Variants in ORC3 observed in about 807,000 individuals in gnomAD.
The protein encoded by ORC3 is origin recognition complex subunit 3.
ORC3 carries 78 observed loss-of-function variants against 100.7 expected under a neutral mutation model. The observed-to-expected ratio is 0.77, with a 90% CI of 0.65 to 0.94. The LOEUF (loss-of-function observed/expected upper bound fraction) is 0.94, where lower values mean the gene tolerates loss of function less well. Among genes scored for constraint, ORC3 ranks in the 40% least tolerant of loss-of-function variants. ORC3 has a pLI of 0.00. For synonymous variants in ORC3, 295 were observed against 289.3 expected (o/e 1.02, Z -0.20); for missense variants, 789 against 823.9 (o/e 0.96, Z 0.52).
At chr6:87,677,667 T>C in the ORC3 span, 1 of 909,000 alleles carries the variant, frequency 1.1e-6, no homozygotes, top group African/African-American at 1.7e-5. Flanking sequence ...GCATGAGCTA[T>C]AAGAAGGTTA....
At chr6:87,594,208 G>C in intron 1 of ORC3, 145 bp from the exon 2 acceptor site, 1 of 557,384 alleles carries the variant, frequency 1.8e-6, no homozygotes. Flanking sequence ...GAGAAGTGAT[G>C]TGATTTCTTA....
intron 11 of ORC3, among the ~76,000 whole-genome samples, chr6:87,624,671 A>G (rs887299184): frequency 1.3e-5 from 2 of 152,094 alleles, no homozygotes; most frequent in African/African-American, 4.8e-5. Context: ...TAAGAAAATC[A>G]CTTACCTTAT....
intron 19 of ORC3, among the ~76,000 whole-genome samples, chr6:87,666,425 C>G (rs568172882): frequency 3.4e-5 from 5 of 145,454 alleles, no homozygotes; most frequent in Non-Finnish European, 7.5e-5. Flanking sequence ...CCACCTCACC[C>G]GGCCTAATTC....
intron 2 of ORC3, among the ~76,000 whole-genome samples, chr6:87,598,882 A>G (rs1344960625): frequency 6.6e-6 from 1 of 152,170 alleles, no homozygotes; most frequent in Non-Finnish European, 1.5e-5. Context: ...CTGACTGAAG[A>G]CACTTGGGCA....
chr6:87,611,973 T>C, intron 7 of ORC3, 116 bp from the exon 8 acceptor site: 1 of 930,084 alleles, frequency 1.1e-6, no homozygotes, highest in Admixed American at 2.6e-5. Context: ...ATGATAATCC[T>C]TAACAGTGTC....
rs760005730 is a variant in ORC3 at position 87,636,400 on chromosome 6, C to T, written c.1303-7C>T. The T allele has an allele frequency of 9.5e-6, 15 of 1,584,180 alleles. No homozygotes were observed. The highest frequency in any genetic ancestry group is 5.4e-5 in the African/African-American group (4 of 74,272). On this transcript the variant is annotated splice_polypyrimidine_tract_variant and splice_region_variant and intron_variant, in intron 12 of 19. Coordinates refer to ENST00000392844, the MANE Select transcript of ORC3 (RefSeq NM_012381.4). ...TGGTTCCTCACAAATGTGTTGTTCC[C>T]TTACAGATCAGAGAGTTGTACTGTA...
At chr6:87,673,947 C>A in the ORC3 span, among the ~76,000 whole-genome samples, 1 of 152,038 alleles carries the variant, frequency 6.6e-6, no homozygotes, top group Non-Finnish European at 1.5e-5. Flanking sequence ...GCCTGGGCAC[C>A]TTGTGAAACC....
At chr6:87,663,712 C>T (rs1312437358) in intron 17 of ORC3, among the ~76,000 whole-genome samples, 1 of 152,214 alleles carries the variant, frequency 6.6e-6, no homozygotes, top group African/African-American at 2.4e-5. Context: ...GTTATCAACT[C>T]CTGGAAGCTC....
At position 87,605,914 on chromosome 6, in the gene ORC3, T is replaced by C; in HGVS notation, c.323-3T>C. 1 of 1,503,204 alleles carries C rather than the reference T, an allele frequency of 6.7e-7. No homozygotes were observed. The highest frequency in any genetic ancestry group is 9.2e-7 in the Non-Finnish European group (1 of 1,082,934). The allele number at this position is 1,503,204 out of a possible 1,614,324, so 93.1% of individuals were successfully genotyped here. ...GATGTAATATTGATGTATTATCTCA[T>C]AGGTGTGAATGTCACAGATCATGAT... On this transcript the variant is annotated splice_polypyrimidine_tract_variant and splice_region_variant and intron_variant, in intron 4 of 19. Transcript: ENST00000392844.
At chr6:87,655,457 TC>T (rs955829941) in intron 14 of ORC3, among the ~76,000 whole-genome samples, 13 of 151,302 alleles carry the variant, frequency 8.6e-5, no homozygotes, top group Non-Finnish European at 1.9e-4. Flanking sequence ...GCTCAAGTGA[TC>T]CTCCCATCTT....
At chr6:87,647,188 G>T (rs1336641784) in intron 13 of ORC3, among the ~76,000 whole-genome samples, 1 of 152,020 alleles carries the variant, frequency 6.6e-6, no homozygotes, top group African/African-American at 2.4e-5. Context: ...AAAACCCTCC[G>T]TTAACTCCGC....
chr6:87,590,747 G>T (rs1776781346), intron 1 of ORC3, among the ~76,000 whole-genome samples: 1 of 152,174 alleles, frequency 6.6e-6, no homozygotes, highest in South Asian at 2.1e-4. Flanking sequence ...GGATTAGGGC[G>T]AGGAGGGCAG....
chr6:87,611,845 A>T lies in ORC3; in HGVS notation c.714-244A>T, dbSNP rs1778796384. Among the ~76,000 whole-genome samples, 3 of 152,222 alleles carry T rather than the reference A, an allele frequency of 2.0e-5. No homozygotes were observed. The South Asian group carries it at 6.2e-4, about 32-fold the overall frequency. On this transcript the variant is annotated intron_variant, in intron 7 of 19. Transcript: ENST00000392844. The stretch of plus-strand genomic sequence containing the variant: ...AAACTTTCTGGACCTCTCTGTTCTT[A>T]TTTATAAAATGAGAGGATTTATTAA...
intron 16 of ORC3, among the ~76,000 whole-genome samples, chr6:87,661,845 C>T (rs1216759356): frequency 2.0e-4 from 30 of 152,152 alleles, no homozygotes; most frequent in Admixed American, 2.0e-3. Flanking sequence ...TGTGCCAAAG[C>T]TTCTCCCCTC....
In ORC3 at chr6:87,612,138, TCTC is replaced by T. The variant is rs766004891; in HGVS notation, c.766_768del (p.Pro256del). 1.2e-6 allele frequency: 2 copies of T among 1,613,684 alleles called. No individual in the cohort carries two copies. The highest frequency in any genetic ancestry group is 1.7e-6 in the Non-Finnish European group (2 of 1,179,790). ...AATACTCATTTTTGGAATAGCCACA[TCTC>T]CTATTATCATCCACCGATTGCTTCC... On this transcript the variant is annotated inframe_deletion, in exon 8 of 20. Transcript: ENST00000392844.
chr6:87,590,548 A>G (rs1465222737), intron 1 of ORC3, among the ~76,000 whole-genome samples: 1 of 152,226 alleles, frequency 6.6e-6, no homozygotes, highest in African/African-American at 2.4e-5. Context: ...CAGTTTCTGC[A>G]GTCAAGAAAG....
intron 2 of ORC3, 174 bp downstream of exon 2, chr6:87,594,581 A>G (rs1777290519): frequency 7.9e-7 from 1 of 1,261,516 alleles, no homozygotes. Flanking sequence ...CAGGGCTCTA[A>G]TTGAAAAGAG....
chr6:87,621,331 T>C (rs1389886613), intron 9 of ORC3, 23 bp from the exon 10 acceptor site: 7 of 1,474,282 alleles, frequency 4.7e-6, no homozygotes, highest in Non-Finnish European at 6.3e-6. Flanking sequence ...AACAAATATG[T>C]TTAATCTTCA....
chr6:87,647,537 ATAACATT>A (rs1401385404), intron 13 of ORC3, among the ~76,000 whole-genome samples: 1 of 152,216 alleles, frequency 6.6e-6, no homozygotes, highest in Non-Finnish European at 1.5e-5. Flanking sequence ...ATATTTTTCC[ATAACATT>A]TATCAATTTT....
Sources: gnomAD v4.1 joint callset for allele counts (sites outside exome capture counted in the v4.1 genomes callset) on GRCh38, gnomAD v4.1.1 for gene constraint, MANE v1.5 for transcripts, NCBI Gene and HGNC (gene_info 2026-07-23, HGNC 2026-07-21) for gene names.